Variants in CIT observed in about 807,000 individuals in gnomAD.
The protein encoded by CIT is citron rho-interacting serine/threonine kinase.
In CIT, 79 loss-of-function variants were observed where a neutral mutation model predicts 272.7. That is an observed-to-expected ratio of 0.29 (90% CI 0.24 to 0.35). The LOEUF (loss-of-function observed/expected upper bound fraction) is 0.35, where lower values mean the gene tolerates loss of function less well. Ranked by LOEUF, CIT falls within the 10% of genes least tolerant of loss-of-function variation. The probability of loss-of-function intolerance (pLI) is 1.00; values close to 1 mark genes in which losing one functional copy is unlikely to be tolerated. For missense variants in CIT, 1,909 were observed against 2,618.3 expected, an observed-to-expected ratio of 0.73 and a Z score of 5.91; for synonymous variants, 948 against 995.6, an observed-to-expected ratio of 0.95 and a Z score of 0.90.
chr12:119,704,364 T>C lies in CIT; in HGVS notation c.5303A>G (p.Lys1768Arg). 1 of 1,613,862 alleles carries C rather than the reference T, an allele frequency of 6.2e-7. No homozygotes were observed. Among genetic ancestry groups the C allele is most frequent in the South Asian group, 1.1e-5 (1 of 91,056 alleles). Residue 1768 changes from lysine to arginine, a missense_variant and splice_region_variant, in exon 41 of 48, where the codon AAA (lysine) becomes AGA (arginine). By Grantham distance (26) the Lys-to-Arg change is conservative. Transcript: ENST00000392521. ...NENLSKYCIR[K>R]EIETSEPCSC... Reference sequence around the variant, plus strand: ...ACCAAGGCAAGGCCCAGGACTTACTTTCCGGATGCAGTATTTGCTGAGGTT... The same window carrying C: ...ACCAAGGCAAGGCCCAGGACTTACTCTCCGGATGCAGTATTTGCTGAGGTT...
rs1955880708 is a variant in CIT at position 119,690,506 on chromosome 12, G to T, written c.5883-52C>A. The T allele has an allele frequency of 6.7e-7, 1 of 1,488,122 alleles. No individual in the cohort carries two copies. Among genetic ancestry groups the T allele is most frequent in the Non-Finnish European group, 8.9e-7 (1 of 1,126,414 alleles). 92.2% of individuals were successfully genotyped at this position (1,488,122 alleles called of 1,614,324 possible). A position where few individuals can be genotyped will look rare whatever the true frequency, so the allele number is the denominator to read the frequency against. The stretch of plus-strand genomic sequence containing the variant: ...GCTGCGAGGCCACAACCCCAGAGGG[G>T]CATTTTCCTTCTTACCTGAGCAACC... On this transcript the variant is annotated intron_variant, in intron 46 of 47. Coordinates refer to ENST00000392521, the MANE Select transcript of CIT (RefSeq NM_001206999.2). This position sits in a 1 kb window ranked among gnomAD's most constrained non-coding sequence, Gnocchi z 6.0.
intron 37 of CIT, chr12:119,711,159 C>T: frequency 7.8e-7 from 1 of 1,285,802 alleles, no homozygotes; most frequent in Non-Finnish European, 1.1e-6. Context: ...ACAAGTCATC[C>T]AAACAGGTCT....
intron 46 of CIT, among the ~76,000 whole-genome samples, chr12:119,696,635 C>T (rs977120453): frequency 3.3e-5 from 5 of 152,156 alleles, no homozygotes; most frequent in Admixed American, 2.0e-4. Flanking sequence ...AAGCAGTCCC[C>T]GCCACCTCAG....
chr12:119,763,050 C>T (rs570054760), intron 19 of CIT, among the ~76,000 whole-genome samples: 4 of 152,178 alleles, frequency 2.6e-5, no homozygotes, highest in Admixed American at 2.6e-4. Flanking sequence ...TGTCTCAAAA[C>T]AATAAACAGA....
intron 32 of CIT, among the ~76,000 whole-genome samples, chr12:119,717,838 C>CCTTTTTTTTTTTTT (rs1957598855): frequency 1.2e-5 from 1 of 81,330 alleles, no homozygotes; most frequent in Non-Finnish European, 2.3e-5. Context: ...TGACTTCTTT[C>CCTTTTTTTTTTTTT]TTTTTTTTTT....
chr12:119,752,436 C>T (rs548993781), intron 22 of CIT, among the ~76,000 whole-genome samples, 189 bp from the exon 23 acceptor site: 16 of 152,136 alleles, frequency 1.1e-4, no homozygotes, highest in Non-Finnish European at 2.4e-4. Context: ...CTGAATTCAA[C>T]AGGAGTAAGA....
rs750709732 is a variant in CIT at position 119,758,667 on chromosome 12, G to A, written c.2455C>T (p.Leu819=). The part of the protein sequence containing the change: ...INAMDSKIRS[L]EQRIVELSEA... ...GACAGTTCCACAATCCTCTGTTCCAGGGATCTGATCTTGGAATCCATAGCA... is the reference window on the plus strand; with the variant it reads ...GACAGTTCCACAATCCTCTGTTCCAAGGATCTGATCTTGGAATCCATAGCA... The change falls in exon 21 of 48, where the codon CTG becomes TTG. Residue 819 remains leucine, a synonymous_variant. Transcript: ENST00000392521. 1 of 1,613,460 alleles carries A rather than the reference G, an allele frequency of 6.2e-7. No homozygotes were observed. Among genetic ancestry groups the A allele is most frequent in the South Asian group, 1.1e-5 (1 of 91,050 alleles).
At chr12:119,800,872 T>C (rs866835709) in intron 10 of CIT, among the ~76,000 whole-genome samples, 7 of 152,210 alleles carry the variant, frequency 4.6e-5, no homozygotes, top group Admixed American at 6.5e-5. Flanking sequence ...CACAATCTGA[T>C]ATGTCCAGGG....
intron 3 of CIT, 96 bp downstream of exon 3, chr12:119,868,964 A>G: frequency 7.0e-7 from 1 of 1,423,226 alleles, no homozygotes; most frequent in Non-Finnish European, 9.7e-7. Context: ...CAGAGTTCTT[A>G]CCGACTACTA....
Position 119,730,481 on chromosome 12 carries a change from G to T in CIT, c.3486+14C>A. 1 of 1,576,298 alleles carries T rather than the reference G, an allele frequency of 6.3e-7. No individual in the cohort carries two copies. Among genetic ancestry groups the T allele is most frequent in the East Asian group, 2.3e-5 (1 of 44,138 alleles). On this transcript the variant is annotated intron_variant, in intron 27 of 47. Transcript: ENST00000392521. ...AAAATGTTTTCCTAAAAAGCAGAAGGGGTGGGCGCTGACCTTGTCAGAGAG... is the reference window on the plus strand; with the variant it reads ...AAAATGTTTTCCTAAAAAGCAGAAGTGGTGGGCGCTGACCTTGTCAGAGAG...
At chr12:119,862,258 G>C (rs1950362174) in intron 3 of CIT, among the ~76,000 whole-genome samples, 1 of 152,118 alleles carries the variant, frequency 6.6e-6, no homozygotes, top group African/African-American at 2.4e-5. Context: ...GGCTCCCAAA[G>C]TGCCAGGATT....
chr12:119,724,071 G>A (rs1029174837), intron 28 of CIT, among the ~76,000 whole-genome samples: 2 of 152,058 alleles, frequency 1.3e-5, no homozygotes, highest in Admixed American at 1.3e-4. Flanking sequence ...CAGGAGGATC[G>A]CTTGAGCCCA....
chr12:119,832,992 G>T, intron 6 of CIT, 128 bp from the exon 7 acceptor site: 1 of 562,204 alleles, frequency 1.8e-6, no homozygotes, highest in Non-Finnish European at 3.2e-6. Context: ...CTCTATTGGT[G>T]GATATAAATT....
chr12:119,748,019 A>G (rs984576664), intron 23 of CIT, among the ~76,000 whole-genome samples: 1 of 150,840 alleles, frequency 6.6e-6, no homozygotes, highest in Non-Finnish European at 1.5e-5. Context: ...ACAAAAGTTA[A>G]CCAGGTGGGT....
At chr12:119,840,154 C>T (rs914998509) in intron 5 of CIT, among the ~76,000 whole-genome samples, 3 of 152,070 alleles carry the variant, frequency 2.0e-5, no homozygotes, top group African/African-American at 7.2e-5. Context: ...CCCATCCTTA[C>T]AAAAAATTAA....
chr12:119,719,519 C>A (rs1236086567), intron 30 of CIT, among the ~76,000 whole-genome samples: 1 of 152,178 alleles, frequency 6.6e-6, no homozygotes, highest in African/African-American at 2.4e-5. Flanking sequence ...ATATCATAAG[C>A]ATAACAACCA....
chr12:119,767,019 C>A, intron 19 of CIT, 68 bp downstream of exon 19: 1 of 1,167,982 alleles, frequency 8.6e-7, no homozygotes, highest in South Asian at 2.1e-5. Context: ...CCACAAGGGC[C>A]CAGGAAGAGA....
At chr12:119,700,890 T>A in intron 43 of CIT, 65 bp from the exon 44 acceptor site, 1 of 1,305,296 alleles carries the variant, frequency 7.7e-7, no homozygotes, top group Non-Finnish European at 1.1e-6. Context: ...GCGACACACA[T>A]GGTGATGGAA....
intron 10 of CIT, among the ~76,000 whole-genome samples, chr12:119,796,946 G>A (rs569467670): frequency 7.9e-5 from 12 of 152,326 alleles, no homozygotes; most frequent in Non-Finnish European, 1.5e-4. Context: ...TACAATCAAC[G>A]GCTTCTGAGA....
Sources: gnomAD v4.1 joint callset for allele counts (sites outside exome capture counted in the v4.1 genomes callset) on GRCh38, gnomAD v4.1.1 for gene constraint, Gnocchi (gnomAD v3.1) non-coding constraint, MANE v1.5 for transcripts, NCBI Gene and HGNC (gene_info 2026-07-23, HGNC 2026-07-21) for gene names.